Variants in USP48 observed in about 807,000 individuals in gnomAD.
USP48 encodes ubiquitin carboxyl-terminal hydrolase 48.
USP48 carries 43 observed loss-of-function variants against 150.7 expected under a neutral mutation model. The observed-to-expected ratio is 0.29, with a 90% CI of 0.22 to 0.37. The LOEUF is 0.37. USP48 is among the 10% of genes least tolerant of loss of function. The pLI, the probability that USP48 is intolerant of heterozygous loss-of-function variation, is 1.00. For synonymous variants in USP48, 396 were observed against 425.9 expected (o/e 0.93, Z 0.86); for missense variants, 813 against 1,249.6 (o/e 0.65, Z 5.27).
At chr1:21,699,616 C>T (rs943781516) in intron 22 of USP48, among the ~76,000 whole-genome samples, 3 of 151,590 alleles carry the variant, frequency 2.0e-5, no homozygotes, top group African/African-American at 7.3e-5. Flanking sequence ...TGGGTTCATG[C>T]CATTCTTCTG....
intron 10 of USP48, 84 bp downstream of exon 10, chr1:21,729,620 A>G (rs1248873851): frequency 2.0e-6 from 3 of 1,466,570 alleles, no homozygotes; most frequent in Non-Finnish European, 2.8e-6. Context: ...CATAGTAACT[A>G]AAAGCAATCC....
chr1:21,721,577 T>C (rs1465364031), intron 13 of USP48, 73 bp downstream of exon 13: 14 of 949,268 alleles, frequency 1.5e-5, no homozygotes, highest in Non-Finnish European at 1.8e-5. Context: ...TTTTAATAAA[T>C]AACGAGATGC....
At chr1:21,736,884 G>A (rs1165708152) in intron 8 of USP48, among the ~76,000 whole-genome samples, 1 of 152,110 alleles carries the variant, frequency 6.6e-6, no homozygotes, top group Admixed American at 6.6e-5. Context: ...ACGGCCTCCT[G>A]GGCACTCAGG....
chr1:21,735,435 A>G (rs2097766712), intron 9 of USP48, among the ~76,000 whole-genome samples: 1 of 152,200 alleles, frequency 6.6e-6, no homozygotes, highest in Non-Finnish European at 1.5e-5. Flanking sequence ...CCCCGTCTCC[A>G]CAAAAAAATT....
rs184382780 is a variant in USP48 at position 21,683,746 on chromosome 1, T to C, written c.3059-2912A>G. Among the ~76,000 whole-genome samples, 146 of 151,350 alleles carry C rather than the reference T, an allele frequency of 9.6e-4. 1 individual carries two copies. The East Asian group carries it at 0.025, about 25-fold the overall frequency. ...TACTACTGAATACCAGAACTTATTC[T>C]TTCTATCAAATTGTATGTTTGTACC... On this transcript the variant is annotated intron_variant, in intron 25 of 26. Transcript: ENST00000308271.
intron 2 of USP48, 42 bp downstream of exon 2, chr1:21,757,621 A>AAAAAC: frequency 1.3e-6 from 2 of 1,583,136 alleles, no homozygotes; most frequent in Non-Finnish European, 1.7e-6. Flanking sequence ...AAACAAAAAC[A>AAAAAC]AAAAACAGCA....
intron 21 of USP48, 79 bp from the exon 22 acceptor site, chr1:21,701,681 G>C: frequency 1.7e-6 from 2 of 1,150,416 alleles, no homozygotes; most frequent in Admixed American, 1.8e-5. Flanking sequence ...GGCTGGGACC[G>C]GCAACCTTTA....
intron 8 of USP48, among the ~76,000 whole-genome samples, chr1:21,741,972 T>A (rs2097782909): frequency 6.6e-6 from 1 of 152,140 alleles, no homozygotes; most frequent in Non-Finnish European, 1.5e-5. Flanking sequence ...CAAGACCATC[T>A]TAAAATAATT....
chr1:21,766,274 G>A (rs1464667048), intron 1 of USP48, among the ~76,000 whole-genome samples: 1 of 152,094 alleles, frequency 6.6e-6, no homozygotes, highest in Non-Finnish European at 1.5e-5. Context: ...TCCAGAGGCT[G>A]TCATGAGAAT....
At chr1:21,781,229 A>G (rs1472688160) in intron 1 of USP48, among the ~76,000 whole-genome samples, 2 of 149,200 alleles carry the variant, frequency 1.3e-5, no homozygotes, top group African/African-American at 2.5e-5. Context: ...GACCAGCCTG[A>G]CCAACATGGA....
intron 1 of USP48, among the ~76,000 whole-genome samples, chr1:21,761,529 T>C (rs2097850086): frequency 6.6e-6 from 1 of 152,226 alleles, no homozygotes; most frequent in Non-Finnish European, 1.5e-5. Flanking sequence ...CAATAAAATG[T>C]GTTACATATT....
chr1:21,717,063 C>T (rs1417044607), intron 14 of USP48, among the ~76,000 whole-genome samples: 1 of 119,876 alleles, frequency 8.3e-6, no homozygotes, highest in African/African-American at 2.9e-5. Flanking sequence ...GAACTTCACA[C>T]ATTTTTACTA....
At chr1:21,764,056 G>A (rs901812541) in intron 1 of USP48, among the ~76,000 whole-genome samples, 2 of 152,126 alleles carry the variant, frequency 1.3e-5, no homozygotes, top group African/African-American at 4.8e-5. Context: ...TCATGTGTGT[G>A]CCAATTTCCT....
At chr1:21,761,294 C>CT (rs71016941) in intron 1 of USP48, among the ~76,000 whole-genome samples, 36,203 of 141,806 alleles carry the variant, frequency 0.26, 4,820 homozygotes, top group African/African-American at 0.36. Context: ...TCTGAACTTC[C>CT]TTTTTTTTTT....
chr1:21,775,586 G>A (rs570906681), intron 1 of USP48, among the ~76,000 whole-genome samples: 2 of 152,308 alleles, frequency 1.3e-5, no homozygotes, highest in African/African-American at 4.8e-5. Flanking sequence ...GAGCTACAAA[G>A]CCACTGAAGT....
At chr1:21,737,624 T>C (rs1557533973) in intron 8 of USP48, among the ~76,000 whole-genome samples, 1 of 152,228 alleles carries the variant, frequency 6.6e-6, no homozygotes, top group Non-Finnish European at 1.5e-5. Context: ...ACTTCCACTA[T>C]ACATGTTCTG....
At chr1:21,773,683 T>C (rs1456632092) in intron 1 of USP48, among the ~76,000 whole-genome samples, 2 of 152,126 alleles carry the variant, frequency 1.3e-5, no homozygotes, top group East Asian at 3.8e-4. Flanking sequence ...CTATCAAAAT[T>C]CTAAGCAGTC....
At position 21,757,651 on chromosome 1, in the gene USP48, ATGAT is replaced by A; in HGVS notation, c.255+8_255+11del. ...ACAGCATATAGCAATCGCTTAAAAA[ATGAT>A]GGTTTACCTTTTTTCTCCTCTCACA... On this transcript the variant is annotated splice_region_variant and intron_variant, in intron 2 of 26. Transcript: ENST00000308271. 1.2e-6 allele frequency: 2 copies of A among 1,602,052 alleles called. No homozygotes were observed. Among genetic ancestry groups the A allele is most frequent in the Non-Finnish European group, 1.7e-6 (2 of 1,177,074 alleles).
chr1:21,733,734 C>A lies in USP48; in HGVS notation c.1171+2712G>T, dbSNP rs568227495. 2.0e-5 allele frequency among the ~76,000 whole-genome samples: 3 copies of A among 151,992 alleles called. 1 individual carries two copies. Among genetic ancestry groups the A allele is most frequent in the South Asian group, 4.1e-4 (2 of 4,830 alleles). On this transcript the variant is annotated intron_variant, in intron 9 of 26. Coordinates refer to ENST00000308271, the MANE Select transcript of USP48 (RefSeq NM_032236.8). ...AGAATGTAGATAGATTTTAAAAAAA[C>A]CCAGTAAAAAACAGTCAAATAAAAC...
Sources: allele counts gnomAD v4.1 joint callset (sites outside exome capture counted in the v4.1 genomes callset), GRCh38; gene constraint gnomAD v4.1.1; transcripts MANE v1.5; gene names NCBI Gene and HGNC (gene_info 2026-07-23, HGNC 2026-07-21).